The following NCOR2 variants were observed in gnomAD, a reference collection of about 807,000 sequenced individuals.
NCOR2 encodes the protein CTG repeat protein 26.
Under a neutral mutation model 262.9 loss-of-function variants are expected in NCOR2, and 81 were observed. The ratio of observed to expected loss-of-function variants is 0.31; its 90% CI spans 0.26 to 0.37. The LOEUF (loss-of-function observed/expected upper bound fraction) is 0.37. Ranked by LOEUF, NCOR2 falls within the 10% of genes least tolerant of loss-of-function variation. NCOR2 has a pLI of 1.00. For synonymous variants in NCOR2, 1,659 were observed against 1,559.3 expected, an observed-to-expected ratio of 1.06 and a Z score of -1.51; for missense variants, 3,385 against 3,621.4, an observed-to-expected ratio of 0.93 and a Z score of 1.68.
chr12:124,334,677 G>A (rs1452031687), intron 40 of NCOR2, 60 bp from the exon 43 acceptor site: 2 of 893,252 alleles, frequency 2.2e-6, no homozygotes, highest in Non-Finnish European at 3.2e-6. Context: ...ACCTTCTGGG[G>A]GTGGGGAGGG....
intron 7 of NCOR2, among the ~76,000 whole-genome samples, chr12:124,442,872 A>G (rs115225234): frequency 6.6e-6 from 1 of 152,306 alleles, no homozygotes; most frequent in African/African-American, 2.4e-5. Flanking sequence ...ATTTGGACAA[A>G]AAGACAGACA....
chr12:124,529,240 G>A (rs2050657951), intron 1 of NCOR2, among the ~76,000 whole-genome samples: 1 of 145,484 alleles, frequency 6.9e-6, no homozygotes, highest in African/African-American at 2.6e-5. Context: ...GCCAAAGTAA[G>A]TGGATGACCT....
chr12:124,391,835 C>T (rs780660853), intron 16 of NCOR2, among the ~76,000 whole-genome samples: 1 of 152,244 alleles, frequency 6.6e-6, no homozygotes, highest in Non-Finnish European at 1.5e-5. Context: ...TACGACCTGG[C>T]GCTGTCTCGC....
exon 20 of NCOR2, chr12:124,372,176 C>T: frequency 6.2e-7 from 1 of 1,601,346 alleles, no homozygotes; most frequent in Admixed American, 1.7e-5. Flanking sequence ...TCGGCCGTGG[C>T]CTCAGCGGCC....
At chr12:124,333,079 G>C in intron 42 of NCOR2, 51 bp downstream of exon 44, 2 of 1,538,702 alleles carry the variant, frequency 1.3e-6, no homozygotes, top group South Asian at 2.5e-5. Flanking sequence ...CCAAGGATGG[G>C]CAAGGGATAC....
At chr12:124,553,328 C>A (rs1343817576) in intron 1 of NCOR2, among the ~76,000 whole-genome samples, 1 of 152,172 alleles carries the variant, frequency 6.6e-6, no homozygotes, top group African/African-American at 2.4e-5. Context: ...ACCTTAAATC[C>A]CCTTTGCAGC....
rs535981348 is a variant in NCOR2 at position 124,332,345 on chromosome 12, G to C, written c.6878C>G (p.Thr2293Ser). 1.1e-5 allele frequency: 17 copies of C among 1,614,194 alleles called. 1 individual carries two copies. In the South Asian group the frequency reaches 1.4e-4, roughly 14 times the overall value. The change falls in exon 43 of 47, where the codon ACC (threonine) becomes AGC (serine). Residue 2293 changes from threonine (T) to serine (S), a missense_variant. Physicochemically the swap from Thr to Ser is moderately conservative, Grantham distance 58 (BLOSUM62 1). Around this residue, in one of 5 missense-constraint regions of NCOR2, gnomAD observed 1,017 missense variants for 967.2 expected, o/e 1.05. Coordinates refer to ENST00000405201, the Ensembl canonical transcript of NCOR2. ...GTATTCAGGCTCATTCCGGTTGTGGGTGTTCAGCTTCTTGTTGATCTCTTG... is the reference window on the plus strand; with the variant it reads ...GTATTCAGGCTCATTCCGGTTGTGGCTGTTCAGCTTCTTGTTGATCTCTTG...
At chr12:124,505,397 C>T (rs1014223033) in intron 1 of NCOR2, among the ~76,000 whole-genome samples, 11 of 152,238 alleles carry the variant, frequency 7.2e-5, no homozygotes, top group Non-Finnish European at 1.3e-4. Flanking sequence ...GGCTCCTCCT[C>T]GGCAGTTTTA....
chr12:124,538,467 G>C (rs1459269648), upstream of NCOR2: 1 of 153,074 alleles, frequency 6.5e-6, no homozygotes, highest in Admixed American at 6.5e-5. Context: ...AGCAGAGCCA[G>C]GGGGAGAGGA....
upstream of NCOR2, among the ~76,000 whole-genome samples, chr12:124,499,404 C>CG (rs1219676876): frequency 2.0e-5 from 3 of 152,236 alleles, no homozygotes; most frequent in Non-Finnish European, 4.4e-5. Flanking sequence ...GTGAACCCAG[C>CG]GGGGTCCAGG....
At position 124,515,807 on chromosome 12, in the gene NCOR2, C is replaced by T. The variant is rs115823821; in HGVS notation, c.-118+19758G>A. Among the ~76,000 whole-genome samples the T allele has an allele frequency of 4.9e-3, 740 of 152,118 alleles. 7 individuals are homozygous for T. Among genetic ancestry groups the T allele is most frequent in the African/African-American group, 0.017 (699 of 41,486 alleles). On this transcript the variant is annotated intron_variant, in intron 1 of 46. Coordinates refer to the NCOR2 transcript ENST00000404621. ...ATGTGTGTGCATGTGTGAGTGTGCGCGTATTTAGTTCTATGTGTTCTTATC... is the reference window on the plus strand; with the variant it reads ...ATGTGTGTGCATGTGTGAGTGTGCGTGTATTTAGTTCTATGTGTTCTTATC...
At chr12:124,492,896 C>T (rs1462390332) in intron 1 of NCOR2, among the ~76,000 whole-genome samples, 2 of 152,180 alleles carry the variant, frequency 1.3e-5, no homozygotes, top group Non-Finnish European at 2.9e-5. Context: ...GCAGGATTCT[C>T]TGGATGGGCA....
At chr12:124,472,749 T>G (rs955976060) in intron 4 of NCOR2, among the ~76,000 whole-genome samples, 1 of 152,240 alleles carries the variant, frequency 6.6e-6, no homozygotes, top group African/African-American at 2.4e-5. Flanking sequence ...CAGTGGAACA[T>G]GGCTATCCTG....
chr12:124,486,329 T>C (rs2280534), intron 2 of NCOR2, 112 bp downstream of exon 4: 161,366 of 1,476,818 alleles, frequency 0.11, 9,600 homozygotes, highest in East Asian at 0.18. Flanking sequence ...CGGCCCGACA[T>C]CCCCTCATTT....
intron 1 of NCOR2, among the ~76,000 whole-genome samples, chr12:124,530,687 C>T (rs780413607): frequency 2.0e-5 from 3 of 152,174 alleles, no homozygotes; most frequent in Non-Finnish European, 4.4e-5. Context: ...GGCACTGTGC[C>T]CCTTAGGGCA....
At chr12:124,397,241 G>C (rs764301716) in intron 16 of NCOR2, among the ~76,000 whole-genome samples, 14 of 152,194 alleles carry the variant, frequency 9.2e-5, no homozygotes, top group Non-Finnish European at 1.9e-4. Flanking sequence ...GGCCAGGCAC[G>C]GCCGAGGGAG....
In NCOR2 at chr12:124,457,024, C is replaced by G; in HGVS notation, c.762+82G>C. ...CTTGGTAATAGATGACTTCCTCCTCCGCCGCACCCTCCCGCCTCCCTGCCC... is the reference window on the plus strand; with the variant it reads ...CTTGGTAATAGATGACTTCCTCCTCGGCCGCACCCTCCCGCCTCCCTGCCC... On this transcript the variant is annotated intron_variant, in intron 6 of 46. Transcript: ENST00000405201. The surrounding 1 kb of genome is among the most constrained non-coding windows in gnomAD (Gnocchi z 4.0). The G allele has an allele frequency of 8.8e-7, 1 of 1,136,816 alleles. No homozygotes were observed. Among genetic ancestry groups the G allele is most frequent in the Non-Finnish European group, 1.2e-6 (1 of 840,540 alleles). The allele number at this position is 1,136,816 out of a possible 1,614,324, so 70.4% of individuals were successfully genotyped here.
intron 13 of NCOR2, among the ~76,000 whole-genome samples, chr12:124,407,107 C>T (rs1386486630): frequency 6.6e-6 from 1 of 152,170 alleles, no homozygotes; most frequent in African/African-American, 2.4e-5. Flanking sequence ...GGTTCACAGC[C>T]TCCTCCCTAT....
chr12:124,444,533 A>G (rs113055626), intron 7 of NCOR2, among the ~76,000 whole-genome samples: 3,639 of 152,006 alleles, frequency 0.024, 67 homozygotes, highest in Middle Eastern at 0.051. Flanking sequence ...GGAGGAAGGG[A>G]GGTTTGAGCT....
Sources: gnomAD v4.1 joint callset for allele counts (sites outside exome capture counted in the v4.1 genomes callset) on GRCh38, gnomAD v4.1.1 for gene constraint, gnomAD v4.1.1 regional missense constraint, Gnocchi (gnomAD v3.1) non-coding constraint, MANE v1.5 for transcripts, NCBI Gene and HGNC (gene_info 2026-07-23, HGNC 2026-07-21) for gene names.